The following HOMER2 variants were observed in gnomAD, a reference collection of about 807,000 sequenced individuals.
The protein encoded by HOMER2 is homer scaffold protein 2, also known as homer protein homolog 2.
A neutral mutation model predicts 47.0 loss-of-function variants in HOMER2; 27 were observed. The observed-to-expected ratio is 0.57, with a 90% confidence interval of 0.42 to 0.79. HOMER2 has a LOEUF of 0.79. Ranked by LOEUF, HOMER2 falls within the 30% of genes least tolerant of loss-of-function variation. The pLI is 0.00. For missense variants in HOMER2, 443 were observed against 435.0 expected (o/e 1.02, Z -0.16); for synonymous variants, 161 against 163.8 (o/e 0.98, Z 0.13).
intron 1 of HOMER2, among the ~76,000 whole-genome samples, chr15:82,935,620 C>G (rs1427293989): frequency 6.6e-6 from 1 of 152,168 alleles, no homozygotes; most frequent in Non-Finnish European, 1.5e-5. Context: ...CCCACACCCC[C>G]ATCCTAACTT....
chr15:82,937,481 C>A (rs1480560860), intron 1 of HOMER2, among the ~76,000 whole-genome samples: 1 of 152,180 alleles, frequency 6.6e-6, no homozygotes, highest in Non-Finnish European at 1.5e-5. Flanking sequence ...AAGCTGCCCT[C>A]ACACTGCCTC....
intron 1 of HOMER2, among the ~76,000 whole-genome samples, chr15:82,896,255 A>G (rs1596331344): frequency 6.6e-6 from 1 of 152,152 alleles, no homozygotes; most frequent in Non-Finnish European, 1.5e-5. Flanking sequence ...TGAGGCCTAC[A>G]GGAGGGAGGA....
intron 1 of HOMER2, among the ~76,000 whole-genome samples, chr15:82,936,673 A>G (rs1378830650): frequency 6.6e-6 from 1 of 152,066 alleles, no homozygotes; most frequent in African/African-American, 2.4e-5. Flanking sequence ...CCCAGGTTCA[A>G]GCGATCCTCC....
intron 7 of HOMER2, among the ~76,000 whole-genome samples, chr15:82,851,617 G>A (rs749487188): frequency 5.3e-5 from 8 of 152,308 alleles, no homozygotes; most frequent in African/African-American, 1.2e-4. Context: ...CTGGCGCCGG[G>A]AGCTGGGCTG....
chr15:82,838,050 A>G (rs2051144309), exon 2 of HOMER2: 2 of 152,804 alleles, frequency 1.3e-5, no homozygotes, highest in Admixed American at 1.3e-4. Flanking sequence ...ATAAGCAAGA[A>G]GAACACAGGG....
intron 3 of HOMER2, among the ~76,000 whole-genome samples, chr15:82,870,925 C>T (rs1445147014): frequency 2.6e-5 from 4 of 152,206 alleles, no homozygotes; most frequent in Non-Finnish European, 5.9e-5. Context: ...TAAGATGGAA[C>T]CAAACTTAGA....
At chr15:82,919,406 G>A (rs1237270247) in intron 1 of HOMER2, among the ~76,000 whole-genome samples, 1 of 152,204 alleles carries the variant, frequency 6.6e-6, no homozygotes, top group African/African-American at 2.4e-5. Flanking sequence ...CCCAGTGAGG[G>A]AGAGTCATTA....
intron 3 of HOMER2, among the ~76,000 whole-genome samples, chr15:82,865,348 T>C (rs1040669409): frequency 6.6e-6 from 1 of 152,182 alleles, no homozygotes; most frequent in African/African-American, 2.4e-5. Context: ...ATGAACTCCT[T>C]TGTGGCAGGG....
chr15:82,923,987 G>A (rs532196557), intron 1 of HOMER2, among the ~76,000 whole-genome samples: 22 of 152,304 alleles, frequency 1.4e-4, no homozygotes, highest in African/African-American at 5.3e-4. Context: ...CCCAGGAAAT[G>A]TGTCAACAAA....
chr15:82,986,083 A>T, upstream of HOMER2: 1 of 985,362 alleles, frequency 1.0e-6, no homozygotes, highest in African/African-American at 1.7e-5. Context: ...CCCACACCTC[A>T]TCGAGCTCTG....
At chr15:82,900,231 C>G (rs2053069404) in intron 1 of HOMER2, among the ~76,000 whole-genome samples, 1 of 152,022 alleles carries the variant, frequency 6.6e-6, no homozygotes, top group Non-Finnish European at 1.5e-5. Context: ...GGCTCTAGTA[C>G]ATACTAGAAT....
intron 3 of HOMER2, among the ~76,000 whole-genome samples, chr15:82,869,649 G>C (rs2052114479): frequency 6.6e-6 from 1 of 151,512 alleles, no homozygotes; most frequent in African/African-American, 2.4e-5. Context: ...GAGGAGACAG[G>C]GTTTCACAAT....
chr15:82,903,888 A>G (rs747831903), intron 1 of HOMER2, among the ~76,000 whole-genome samples: 169 of 152,012 alleles, frequency 1.1e-3, no homozygotes, highest in Non-Finnish European at 1.5e-3. Flanking sequence ...TGTAATCCCA[A>G]CACTTTGGGA....
chr15:82,904,855 A>G (rs1596339990), intron 1 of HOMER2, among the ~76,000 whole-genome samples: 1 of 152,216 alleles, frequency 6.6e-6, no homozygotes, highest in African/African-American at 2.4e-5. Context: ...CAGCATGTCT[A>G]CCTTTCACCA....
At chr15:82,904,274 A>G (rs558891542) in intron 1 of HOMER2, among the ~76,000 whole-genome samples, 1 of 152,350 alleles carries the variant, frequency 6.6e-6, no homozygotes, top group East Asian at 1.9e-4. Context: ...CAGAGCAGAA[A>G]GCCATAAGCA....
At chr15:82,881,964 T>A (rs895007417) in intron 2 of HOMER2, among the ~76,000 whole-genome samples, 2 of 152,254 alleles carry the variant, frequency 1.3e-5, no homozygotes, top group African/African-American at 4.8e-5. Flanking sequence ...TGGCAGTGAT[T>A]AACTCAGTCT....
intron 1 of HOMER2, among the ~76,000 whole-genome samples, chr15:82,942,212 A>AC (rs2054280842): frequency 6.6e-6 from 1 of 152,172 alleles, no homozygotes; most frequent in Admixed American, 6.5e-5. Flanking sequence ...TTACCTGCTC[A>AC]CCAGCCATCT....
intron 1 of HOMER2, among the ~76,000 whole-genome samples, chr15:82,912,879 C>CTG (rs892985492): frequency 3.3e-5 from 5 of 152,130 alleles, no homozygotes; most frequent in Non-Finnish European, 4.4e-5. Flanking sequence ...AGTAGGCGGA[C>CTG]TGTGTGTGTG....
At chr15:82,842,303 T>C (rs1031240209) in exon 2 of HOMER2, 4 of 146,638 alleles carry the variant, frequency 2.7e-5, no homozygotes, top group African/African-American at 7.5e-5. Context: ...TTTTGGAAGG[T>C]TTTTTTTTTG....
Sources: gnomAD v4.1 joint callset for allele counts (sites outside exome capture counted in the v4.1 genomes callset) on GRCh38, gnomAD v4.1.1 for gene constraint, MANE v1.5 for transcripts, NCBI Gene and HGNC (gene_info 2026-07-23, HGNC 2026-07-21) for gene names.